Variants in ITGA4 observed in about 807,000 individuals in gnomAD.
The protein encoded by ITGA4 is integrin subunit alpha 4.
ITGA4 carries 63 observed loss-of-function variants against 133.6 expected under a neutral mutation model. That is an observed-to-expected ratio of 0.47 (90% confidence interval 0.38 to 0.58). The LOEUF is 0.58. Among genes scored for constraint, ITGA4 ranks in the 20% least tolerant of loss-of-function variants. The probability of loss-of-function intolerance (pLI) is 0.00; values close to 1 mark genes in which losing one functional copy is unlikely to be tolerated. For missense variants in ITGA4, 1,076 were observed against 1,252.7 expected (o/e 0.86, Z 2.13); for synonymous variants, 483 against 438.0 (o/e 1.10, Z -1.28).
chr2:181,525,530 G>A (rs531582079), intron 21 of ITGA4, among the ~76,000 whole-genome samples: 3 of 152,188 alleles, frequency 2.0e-5, no homozygotes, highest in Admixed American at 1.3e-4. Flanking sequence ...TTCTTACTGT[G>A]AGAGCCCCAA....
At chr2:181,471,144 C>T (rs554399762) in intron 2 of ITGA4, among the ~76,000 whole-genome samples, 280 of 152,224 alleles carry the variant, frequency 1.8e-3, no homozygotes, top group Middle Eastern at 6.8e-3. Context: ...TGACTATTTC[C>T]ATGAACTTTC....
intron 17 of ITGA4, among the ~76,000 whole-genome samples, chr2:181,514,339 T>C (rs946021049): frequency 2.0e-5 from 3 of 152,088 alleles, no homozygotes; most frequent in Admixed American, 1.3e-4. Flanking sequence ...CCTACTGTGG[T>C]AGGATCACAT....
rs1455739574 is a variant in ITGA4, at chr2:181,535,575, A to G, written c.*48A>G. 5 of 1,543,148 alleles carry G rather than the reference A, an allele frequency of 3.2e-6. No individual in the cohort carries two copies. Among genetic ancestry groups the G allele is most frequent in the Non-Finnish European group, 4.4e-6 (5 of 1,149,024 alleles). Reference sequence around the variant, plus strand: ...ATGGAAAACAGACTCAGGTTGTAGTAAAGAAATTTAAAAGACACTGTTTAC... The same window carrying G: ...ATGGAAAACAGACTCAGGTTGTAGTGAAGAAATTTAAAAGACACTGTTTAC... On this transcript the variant is annotated 3_prime_UTR_variant, in exon 28 of 28. Transcript: ENST00000397033.
chr2:181,482,630 T>C lies in ITGA4; in HGVS notation c.1020T>C (p.Phe340=), dbSNP rs1206305184. ...QSTIREEGRV[F]VYINSGSGAV... is the part of the protein sequence containing the mutation. ...CCATCAGAGAGGAAGGAAGAGTGTT[T>C]GTGTACATCAACTCTGGCTCGGTAT... Residue 340 remains phenylalanine, a synonymous_variant, in exon 9 of 28, where the codon TTT becomes TTC. Transcript: ENST00000397033. The C allele has an allele frequency of 6.2e-7, 1 of 1,613,550 alleles. No homozygotes were observed. The highest frequency in any genetic ancestry group is 8.5e-7 in the Non-Finnish European group (1 of 1,179,702).
intron 17 of ITGA4, among the ~76,000 whole-genome samples, chr2:181,518,516 AAT>A (rs1434632835): frequency 6.6e-6 from 1 of 152,080 alleles, no homozygotes; most frequent in Non-Finnish European, 1.5e-5. Flanking sequence ...TAAATATGGT[AAT>A]ATGTTATATG....
intron 24 of ITGA4, among the ~76,000 whole-genome samples, chr2:181,530,969 A>T (rs1354725405): frequency 2.0e-5 from 3 of 152,190 alleles, no homozygotes; most frequent in Non-Finnish European, 4.4e-5. Context: ...TCTACTAAAA[A>T]TACAAAAATT....
intron 22 of ITGA4, 85 bp from the exon 23 acceptor site, chr2:181,529,456 C>T (rs753281106): frequency 4.0e-5 from 26 of 652,316 alleles, no homozygotes; most frequent in South Asian, 7.9e-5. Flanking sequence ...ATGGAATATA[C>T]GGGATCACCT....
chr2:181,489,678 G>A (rs1686000822), intron 10 of ITGA4, among the ~76,000 whole-genome samples: 1 of 152,006 alleles, frequency 6.6e-6, no homozygotes, highest in Non-Finnish European at 1.5e-5. Flanking sequence ...TTGTTTATAG[G>A]GTACAAGTGA....
chr2:181,518,771 T>G (rs570742314), intron 17 of ITGA4, among the ~76,000 whole-genome samples: 2 of 152,066 alleles, frequency 1.3e-5, no homozygotes, highest in Non-Finnish European at 2.9e-5. Flanking sequence ...CTCTACTCTA[T>G]GATATGCTTG....
At chr2:181,525,773 C>T (rs1191472784) in intron 21 of ITGA4, among the ~76,000 whole-genome samples, 1 of 152,174 alleles carries the variant, frequency 6.6e-6, no homozygotes, top group Non-Finnish European at 1.5e-5. Flanking sequence ...CTTTTTATAC[C>T]TATGGGATCA....
intron 2 of ITGA4, among the ~76,000 whole-genome samples, chr2:181,468,949 G>A (rs888080183): frequency 6.6e-6 from 1 of 152,126 alleles, no homozygotes; most frequent in African/African-American, 2.4e-5. Context: ...CCTCTTTTAT[G>A]TTAAACCATG....
chr2:181,463,907 A>G (rs961027867), intron 2 of ITGA4, among the ~76,000 whole-genome samples: 3 of 152,160 alleles, frequency 2.0e-5, no homozygotes, highest in Admixed American at 6.5e-5. Flanking sequence ...AGTGATTAGA[A>G]TAGTGCTGCT....
chr2:181,470,256 T>C (rs1280366614), intron 2 of ITGA4, among the ~76,000 whole-genome samples: 1 of 151,778 alleles, frequency 6.6e-6, no homozygotes, highest in Non-Finnish European at 1.5e-5. Context: ...AAAATCAATA[T>C]GTCAAAGAGG....
At chr2:181,534,395 C>A (rs762931633) in intron 26 of ITGA4, 25 bp downstream of exon 26, 3 of 1,261,922 alleles carry the variant, frequency 2.4e-6, no homozygotes, top group South Asian at 2.4e-5. Flanking sequence ...TTAACTGCTA[C>A]ATTAAAATTA....
chr2:181,525,317 C>A, intron 21 of ITGA4, 26 bp downstream of exon 21: 2 of 1,210,558 alleles, frequency 1.7e-6, no homozygotes, highest in Non-Finnish European at 2.4e-6. Context: ...GGCTTCCTTT[C>A]AAATTTAGAG....
intron 15 of ITGA4, among the ~76,000 whole-genome samples, chr2:181,504,057 T>C (rs1405636076): frequency 6.6e-6 from 1 of 152,030 alleles, no homozygotes; most frequent in Non-Finnish European, 1.5e-5. Context: ...TCCACTGATA[T>C]TTGAGAGGAG....
intron 15 of ITGA4, 174 bp downstream of exon 15, chr2:181,498,951 C>T: frequency 1.1e-6 from 1 of 879,660 alleles, no homozygotes; most frequent in Admixed American, 6.2e-5. Flanking sequence ...CCAAGTAATT[C>T]AGAGTCCTCT....
intron 10 of ITGA4, among the ~76,000 whole-genome samples, chr2:181,492,760 A>T (rs1686078007): frequency 6.6e-6 from 1 of 152,244 alleles, no homozygotes; most frequent in Non-Finnish European, 1.5e-5. Flanking sequence ...GTGTGTGCAG[A>T]TATCTCTAAC....
chr2:181,504,092 C>T (rs2105751708), intron 15 of ITGA4, among the ~76,000 whole-genome samples: 1 of 152,104 alleles, frequency 6.6e-6, no homozygotes, highest in East Asian at 1.9e-4. Flanking sequence ...ATTGGGATAA[C>T]AAAAGAAGCA....
Sources: allele counts gnomAD v4.1 joint callset (sites outside exome capture counted in the v4.1 genomes callset), GRCh38; gene constraint gnomAD v4.1.1; transcripts MANE v1.5; gene names NCBI Gene and HGNC (gene_info 2026-07-23, HGNC 2026-07-21).